The following TP63 variants were observed in gnomAD, a reference collection of about 807,000 sequenced individuals.
TP63 encodes tumor protein p63.
Under a neutral mutation model 82.8 loss-of-function variants are expected in TP63, and 17 were observed. That is an observed-to-expected ratio of 0.21 (90% CI 0.14 to 0.31). The LOEUF is 0.31. Among genes scored for constraint, TP63 ranks in the 10% least tolerant of loss-of-function variants. The pLI is 1.00. For missense variants in TP63, 648 were observed against 895.3 expected, an observed-to-expected ratio of 0.72 and a Z score of 3.52; for synonymous variants, 330 against 321.7, an observed-to-expected ratio of 1.03 and a Z score of -0.28.
At position 189,870,802 on chromosome 3, in the gene TP63, C is replaced by T. The variant is rs186298582; in HGVS notation, c.1212+1396C>T. Among the ~76,000 whole-genome samples, 329 of 152,182 alleles carry T rather than the reference C, an allele frequency of 2.2e-3. 1 individual carries two copies. The highest frequency in any genetic ancestry group is 1.1e-3 in the Non-Finnish European group (74 of 68,002). On this transcript the variant is annotated intron_variant, in intron 9 of 13. Coordinates refer to ENST00000264731, the MANE Select transcript of TP63 (RefSeq NM_003722.5). ...GCATAGCCCTTGATGCCATCTAAAG[C>T]GATGACATGAGACACAGCCAAGCAG...
chr3:189,846,318 A>C (rs1451758118), intron 4 of TP63, among the ~76,000 whole-genome samples: 1 of 152,196 alleles, frequency 6.6e-6, no homozygotes. Context: ...CCATTTTGAC[A>C]AGGATATTTT....
intron 1 of TP63, among the ~76,000 whole-genome samples, chr3:189,706,414 C>G (rs184714623): frequency 1.3e-5 from 2 of 152,036 alleles, no homozygotes; most frequent in Admixed American, 6.6e-5. Flanking sequence ...CACCACCATG[C>G]CTGGCTCATT....
chr3:189,599,966 G>A, the TP63 span, among the ~76,000 whole-genome samples: 1 of 151,946 alleles, frequency 6.6e-6, no homozygotes, highest in Non-Finnish European at 1.5e-5. Flanking sequence ...TATTATTGTT[G>A]CTGTTACAAG....
At chr3:189,778,650 T>C (rs1232705114) in intron 3 of TP63, among the ~76,000 whole-genome samples, 1 of 152,198 alleles carries the variant, frequency 6.6e-6, no homozygotes, top group African/African-American at 2.4e-5. Flanking sequence ...TGTGGATATT[T>C]TGAGGAATGA....
At chr3:189,815,429 G>A (rs1184303822) in intron 4 of TP63, among the ~76,000 whole-genome samples, 1 of 152,102 alleles carries the variant, frequency 6.6e-6, no homozygotes, top group African/African-American at 2.4e-5. Context: ...CTTATATACT[G>A]TATCTACAAG....
intron 13 of TP63, among the ~76,000 whole-genome samples, chr3:189,891,490 G>A (rs1197052861): frequency 6.6e-6 from 1 of 152,140 alleles, no homozygotes; most frequent in Admixed American, 6.5e-5. Context: ...ATAGAGCCCA[G>A]CCATTTCTAA....
At chr3:189,888,664 C>T (rs1720708791) in intron 11 of TP63, among the ~76,000 whole-genome samples, 1 of 152,102 alleles carries the variant, frequency 6.6e-6, no homozygotes, top group African/African-American at 2.4e-5. Flanking sequence ...TGATATTAAA[C>T]TTTTTTTCTC....
At chr3:189,723,830 T>C (rs1367157358) in intron 1 of TP63, among the ~76,000 whole-genome samples, 2 of 152,222 alleles carry the variant, frequency 1.3e-5, no homozygotes, top group African/African-American at 2.4e-5. Context: ...TAGCATTTTA[T>C]GTTTCTTTTT....
chr3:189,719,118 G>A (rs1719181812), intron 1 of TP63, among the ~76,000 whole-genome samples: 1 of 151,808 alleles, frequency 6.6e-6, no homozygotes, highest in African/African-American at 2.4e-5. Flanking sequence ...ATGCAGACAA[G>A]GACAAAAGCC....
intron 1 of TP63, among the ~76,000 whole-genome samples, chr3:189,689,931 A>G (rs1312723435): frequency 1.3e-5 from 2 of 152,124 alleles, no homozygotes; most frequent in Non-Finnish European, 2.9e-5. Context: ...GAACTTTTAT[A>G]TATTGTGTCT....
the TP63 span, among the ~76,000 whole-genome samples, chr3:189,604,549 T>A: frequency 6.6e-6 from 1 of 152,130 alleles, no homozygotes; most frequent in African/African-American, 2.4e-5. Flanking sequence ...TCTTGGATAT[T>A]TACCTGGAGA....
chr3:189,856,170 T>C (rs901992076), intron 4 of TP63, among the ~76,000 whole-genome samples: 22 of 151,372 alleles, frequency 1.5e-4, no homozygotes, highest in African/African-American at 4.8e-4. Context: ...AAAAAATCTG[T>C]TTAGAATGGT....
intron 1 of TP63, among the ~76,000 whole-genome samples, chr3:189,639,897 A>C (rs1341312848): frequency 6.6e-6 from 1 of 152,160 alleles, no homozygotes; most frequent in East Asian, 1.9e-4. Context: ...ATTATGCCTT[A>C]AGACTGTTGA....
intron 1 of TP63, among the ~76,000 whole-genome samples, chr3:189,650,060 C>T (rs540409554): frequency 1.4e-5 from 2 of 146,894 alleles, no homozygotes; most frequent in South Asian, 4.5e-4. Context: ...GCATCAAGCA[C>T]ACATTTCAAA....
At chr3:189,807,016 G>GAGCT (rs1245920781) in intron 3 of TP63, among the ~76,000 whole-genome samples, 2 of 152,196 alleles carry the variant, frequency 1.3e-5, no homozygotes, top group Non-Finnish European at 2.9e-5. Context: ...TTCAACTGAA[G>GAGCT]AGCTAGGCCT....
chr3:189,713,751 CATAATT>C, intron 1 of TP63, among the ~76,000 whole-genome samples: 1 of 152,138 alleles, frequency 6.6e-6, no homozygotes, highest in South Asian at 2.1e-4. Context: ...TATCCCTCTT[CATAATT>C]ATAATTGATG....
chr3:189,677,351 TAA>T (rs1715509257), intron 1 of TP63, among the ~76,000 whole-genome samples: 1 of 147,242 alleles, frequency 6.8e-6, no homozygotes, highest in Non-Finnish European at 1.5e-5. Flanking sequence ...TAAATATATA[TAA>T]ATAATTATAT....
chr3:189,742,071 C>A (rs1318384753), intron 3 of TP63, among the ~76,000 whole-genome samples: 1 of 151,766 alleles, frequency 6.6e-6, no homozygotes, highest in African/African-American at 2.4e-5. Flanking sequence ...GGTGGATACC[C>A]GTCTCTACTA....
intron 1 of TP63, among the ~76,000 whole-genome samples, chr3:189,643,288 A>G (rs1296206123): frequency 6.6e-6 from 1 of 152,112 alleles, no homozygotes; most frequent in Non-Finnish European, 1.5e-5. Flanking sequence ...GGCGTGAGCC[A>G]CTGCACCCGG....
Sources: gnomAD v4.1 joint callset for allele counts (sites outside exome capture counted in the v4.1 genomes callset) on GRCh38, gnomAD v4.1.1 for gene constraint, MANE v1.5 for transcripts, NCBI Gene and HGNC (gene_info 2026-07-23, HGNC 2026-07-21) for gene names.